Variants in SIPA1L2 observed in about 807,000 individuals in gnomAD.
SIPA1L2 encodes the protein signal induced proliferation associated 1 like 2.
A neutral mutation model predicts 163.9 loss-of-function variants in SIPA1L2; 56 were observed. That is an observed-to-expected ratio of 0.34 (90% CI 0.28 to 0.43). SIPA1L2 has a LOEUF of 0.43. SIPA1L2 is among the 20% of genes least tolerant of loss of function. SIPA1L2 has a pLI of 1.00. For missense variants in SIPA1L2, 1,974 were observed against 2,193.5 expected (o/e 0.90, Z 2.00); for synonymous variants, 877 against 865.7 (o/e 1.01, Z -0.23).
At chr1:232,580,719 G>C (rs1201611521) in intron 1 of SIPA1L2, among the ~76,000 whole-genome samples, 1 of 152,076 alleles carries the variant, frequency 6.6e-6, no homozygotes, top group Non-Finnish European at 1.5e-5. Flanking sequence ...ATCTTGCCTA[G>C]ATGAGGACAA....
chr1:232,576,485 A>G (rs924707857), intron 1 of SIPA1L2, among the ~76,000 whole-genome samples: 1 of 150,224 alleles, frequency 6.7e-6, no homozygotes, highest in African/African-American at 2.4e-5. Flanking sequence ...AGCCTCCCCC[A>G]TTTCTCTCTC....
At chr1:232,607,356 T>C (rs1162192546) in intron 1 of SIPA1L2, among the ~76,000 whole-genome samples, 3 of 152,226 alleles carry the variant, frequency 2.0e-5, no homozygotes, top group Non-Finnish European at 2.9e-5. Context: ...ATTTAATTGA[T>C]TTAAATTACT....
rs770070214 is a variant in SIPA1L2, at chr1:232,514,382, T to C, written c.958A>G (p.Ile320Val). 8.1e-6 allele frequency: 13 copies of C among 1,613,818 alleles called. No homozygotes were observed. The highest frequency in any genetic ancestry group is 1.3e-5 in the African/African-American group (1 of 74,958). The change falls in exon 3 of 23, where the codon ATT becomes GTT. Residue 320 changes from isoleucine to valine, a missense_variant. Physicochemically the swap from Ile to Val is conservative, Grantham distance 29 (BLOSUM62 3). This residue lies in a region of SIPA1L2 where 607 missense variants were observed against 624.0 expected (regional missense o/e 0.97). Coordinates refer to ENST00000674635, the MANE Select transcript of SIPA1L2 (RefSeq NM_020808.5). ...CATCGCTGACAATTCCAAGGGCGAATGCCCCTCTCCAGTCGGCTCTCCTCC... is the reference window on the plus strand; with the variant it reads ...CATCGCTGACAATTCCAAGGGCGAACGCCCCTCTCCAGTCGGCTCTCCTCC... ...ELEESRLERG[I>V]RPWNCQRCFA...
intron 19 of SIPA1L2, among the ~76,000 whole-genome samples, chr1:232,408,304 AC>A (rs2102757315): frequency 6.6e-6 from 1 of 150,416 alleles, no homozygotes; most frequent in Non-Finnish European, 1.5e-5. Flanking sequence ...TTTTTTTTAA[AC>A]TGTTTGGGTA....
intron 2 of SIPA1L2, among the ~76,000 whole-genome samples, chr1:232,568,160 T>C (rs534207099): frequency 5.9e-5 from 9 of 152,332 alleles, no homozygotes; most frequent in African/African-American, 1.9e-4. Context: ...AAATTAATCA[T>C]ATCCAACGAG....
chr1:232,537,488 TA>T lies in SIPA1L2; in HGVS notation c.-269-21881del, dbSNP rs537233891. Among the ~76,000 whole-genome samples the T allele has an allele frequency of 1.3e-3, 195 of 147,168 alleles. 1 individual carries two copies. The highest frequency in any genetic ancestry group is 1.8e-3 in the Non-Finnish European group (122 of 66,416). On this transcript the variant is annotated intron_variant, in intron 2 of 22. Coordinates refer to ENST00000674635, the MANE Select transcript of SIPA1L2 (RefSeq NM_020808.5). ...TAAAAATATACTAAAATTCAAAAGATAAAAAAAAAATGAAGCAACAAGGAAT... is the reference window on the plus strand; with the variant it reads ...TAAAAATATACTAAAATTCAAAAGATAAAAAAAAATGAAGCAACAAGGAAT...
chr1:232,407,106 C>T (rs1660682256), intron 19 of SIPA1L2, among the ~76,000 whole-genome samples: 1 of 152,140 alleles, frequency 6.6e-6, no homozygotes, highest in African/African-American at 2.4e-5. Context: ...TAGTATCTGC[C>T]TATGAGTAAT....
At chr1:232,423,561 T>C (rs1167075408) in intron 18 of SIPA1L2, among the ~76,000 whole-genome samples, 1 of 152,218 alleles carries the variant, frequency 6.6e-6, no homozygotes, top group Non-Finnish European at 1.5e-5. Context: ...TTGGAGGAGA[T>C]GTATCACCAA....
intron 19 of SIPA1L2, among the ~76,000 whole-genome samples, chr1:232,413,663 T>TG (rs1661083669): frequency 6.6e-6 from 1 of 152,220 alleles, no homozygotes; most frequent in African/African-American, 2.4e-5. Flanking sequence ...GCTTCTCCTT[T>TG]GGTTATCTTG....
intron 14 of SIPA1L2, 102 bp downstream of exon 14, chr1:232,441,189 A>T: frequency 1.2e-6 from 1 of 809,006 alleles, no homozygotes; most frequent in Non-Finnish European, 1.9e-6. Context: ...CCTGTGAGGT[A>T]ATGTGCTCTT....
chr1:232,551,963 C>G (rs574910957), intron 2 of SIPA1L2, among the ~76,000 whole-genome samples: 233 of 152,300 alleles, frequency 1.5e-3, no homozygotes, highest in Non-Finnish European at 2.6e-3. Context: ...CCTCAGCCTC[C>G]TAAGTAGCTG....
In SIPA1L2 at chr1:232,588,121, CTGTG is replaced by C. The variant is rs1660767757; in HGVS notation, c.-318-13903_-318-13900del. On this transcript the variant is annotated intron_variant, in intron 1 of 22. Coordinates refer to ENST00000674635, the MANE Select transcript of SIPA1L2 (RefSeq NM_020808.5). ...TCTTGAGCACACACACACTATGACT[CTGTG>C]TGAAGGAAGGGAAAGCCCTGTTGCA... Among the ~76,000 whole-genome samples, 4 of 152,298 alleles carry C rather than the reference CTGTG, an allele frequency of 2.6e-5. No homozygotes were observed. The South Asian group carries it at 8.3e-4, about 32-fold the overall frequency.
rs563945737 is a variant in SIPA1L2, at chr1:232,451,468, T to C, written c.3096-5682A>G. ...ATGGCAAATATTTCGATGAGTTAAA[T>C]AAAGGCTAACTGAAACCCGAACAGA... On this transcript the variant is annotated intron_variant, in intron 10 of 22. Transcript: ENST00000674635. Among the ~76,000 whole-genome samples the C allele has an allele frequency of 3.9e-5, 6 of 152,172 alleles. No individual in the cohort carries two copies. In the South Asian group the frequency reaches 8.3e-4, roughly 21 times the overall value.
At chr1:232,619,103 G>A (rs949308694) in intron 1 of SIPA1L2, among the ~76,000 whole-genome samples, 1 of 152,178 alleles carries the variant, frequency 6.6e-6, no homozygotes, top group Admixed American at 6.5e-5. Context: ...CATTTTAATA[G>A]AGATAGTACT....
chr1:232,598,114 C>G (rs957564053), intron 1 of SIPA1L2, among the ~76,000 whole-genome samples: 3 of 152,054 alleles, frequency 2.0e-5, no homozygotes, highest in Non-Finnish European at 4.4e-5. Context: ...TTAAAGACAG[C>G]CTGTAGGCCA....
intron 3 of SIPA1L2, among the ~76,000 whole-genome samples, chr1:232,495,631 A>G (rs1334067199): frequency 6.6e-6 from 1 of 152,164 alleles, no homozygotes. Flanking sequence ...CTTGCACAAA[A>G]GGAAACTAGC....
At chr1:232,533,506 C>T (rs554022050) in intron 2 of SIPA1L2, among the ~76,000 whole-genome samples, 1 of 152,254 alleles carries the variant, frequency 6.6e-6, no homozygotes, top group South Asian at 2.1e-4. Flanking sequence ...CTGGAGTCAG[C>T]ACCTGAGTTG....
chr1:232,558,796 G>T (rs1278264813), intron 2 of SIPA1L2, among the ~76,000 whole-genome samples: 2 of 152,068 alleles, frequency 1.3e-5, no homozygotes, highest in African/African-American at 2.4e-5. Context: ...AGTTTTATGA[G>T]GGTAATCACT....
chr1:232,398,918 T>A lies in SIPA1L2; in HGVS notation c.*209A>T, dbSNP rs1226155486. 1 of 585,696 alleles carries A rather than the reference T, an allele frequency of 1.7e-6. No individual in the cohort carries two copies. Among genetic ancestry groups the A allele is most frequent in the Non-Finnish European group, 2.9e-6 (1 of 342,238 alleles). The allele number at this position is 585,696 out of a possible 1,614,324, so 36.3% of individuals were successfully genotyped here. Reference sequence around the variant, plus strand: ...ATTCATCTTCACACCAGGAGTTACATTCATTCATCTTCACATCGGCGCTGC... The same window carrying A: ...ATTCATCTTCACACCAGGAGTTACAATCATTCATCTTCACATCGGCGCTGC... On this transcript the variant is annotated 3_prime_UTR_variant, in exon 23 of 23. Coordinates refer to ENST00000674635, the MANE Select transcript of SIPA1L2 (RefSeq NM_020808.5).
Sources: allele counts gnomAD v4.1 joint callset (sites outside exome capture counted in the v4.1 genomes callset), GRCh38; gene constraint gnomAD v4.1.1; regional missense constraint gnomAD v4.1.1; transcripts MANE v1.5; gene names NCBI Gene and HGNC (gene_info 2026-07-23, HGNC 2026-07-21).